Variants in AXDND1 observed in about 807,000 individuals in gnomAD.
The protein encoded by AXDND1 is axonemal dynein light chain domain containing 1.
Under a neutral mutation model 137.5 loss-of-function variants are expected in AXDND1, and 110 were observed. That is an observed-to-expected ratio of 0.80 (90% CI 0.69 to 0.94). The LOEUF (loss-of-function observed/expected upper bound fraction) is 0.94. Among genes scored for constraint, AXDND1 ranks in the 40% least tolerant of loss-of-function variants. The probability of loss-of-function intolerance (pLI) is 0.00; values close to 1 mark genes in which losing one functional copy is unlikely to be tolerated. For synonymous variants in AXDND1, 414 were observed against 399.7 expected, an observed-to-expected ratio of 1.04 and a Z score of -0.43; for missense variants, 1,191 against 1,169.8, an observed-to-expected ratio of 1.02 and a Z score of -0.26.
At chr1:179,390,534 C>A (rs1032999182) in intron 9 of AXDND1, among the ~76,000 whole-genome samples, 6 of 152,166 alleles carry the variant, frequency 3.9e-5, no homozygotes, top group Admixed American at 6.5e-5. Flanking sequence ...AAGAATCTCA[C>A]TATACGTTAA....
chr1:179,517,557 C>CG (rs1418757616), intron 21 of AXDND1, among the ~76,000 whole-genome samples: 1 of 152,208 alleles, frequency 6.6e-6, no homozygotes, highest in Non-Finnish European at 1.5e-5. Flanking sequence ...GCCGCCCTCC[C>CG]GAAGGATCCC....
intron 25 of AXDND1, chr1:179,551,289 G>T: frequency 6.2e-7 from 1 of 1,614,110 alleles, no homozygotes; most frequent in Non-Finnish European, 8.5e-7. Context: ...CAATTCAGTA[G>T]GTCAAATGGC....
chr1:179,427,936 T>A (rs1256027378), intron 12 of AXDND1, among the ~76,000 whole-genome samples: 1 of 138,326 alleles, frequency 7.2e-6, no homozygotes, highest in African/African-American at 2.7e-5. Flanking sequence ...GGAGACCCAA[T>A]GTAAGAGCAA....
rs11577579 is a variant in AXDND1, at chr1:179,444,970, A to C, written c.1564A>C (p.Ile522Leu). ...VLLDFKQWQK[I>L]LNEKKEEFTG... ...TCTCCCTCTTCCTTTCACTCTTTAG[A>C]TCCTGAATGAGAAAAAAGAAGAGTT... Residue 522 changes from isoleucine to leucine, a missense_variant and splice_region_variant, in exon 16 of 26, where the codon ATC (isoleucine) becomes CTC (leucine). Ile to Leu is a conservative substitution (Grantham distance 5). Coordinates refer to ENST00000367618, the MANE Select transcript of AXDND1 (RefSeq NM_144696.6). The C allele has an allele frequency of 0.3, 475,514 of 1,586,456 alleles. 73,811 individuals carry two copies. Among genetic ancestry groups the C allele is most frequent in the Non-Finnish European group, 0.31 (362,169 of 1,156,422 alleles).
At chr1:179,449,714 G>A (rs1660261545) in intron 16 of AXDND1, 1 of 151,734 alleles carries the variant, frequency 6.6e-6, no homozygotes, top group Non-Finnish European at 1.5e-5. Flanking sequence ...TTTCTGAGGA[G>A]TTTTATATTT....
chr1:179,501,538 C>T (rs1667998981), intron 20 of AXDND1, among the ~76,000 whole-genome samples: 2 of 152,046 alleles, frequency 1.3e-5, no homozygotes, highest in South Asian at 4.2e-4. Context: ...AGTGAAACCC[C>T]ATCTCTACTA....
At chr1:179,389,912 G>A (rs906072677) in intron 9 of AXDND1, among the ~76,000 whole-genome samples, 1 of 152,162 alleles carries the variant, frequency 6.6e-6, no homozygotes. Context: ...CTTAAAGCAA[G>A]GGCTGGATAA....
chr1:179,403,564 G>T (rs1652437405), intron 11 of AXDND1, among the ~76,000 whole-genome samples: 1 of 152,144 alleles, frequency 6.6e-6, no homozygotes, highest in Non-Finnish European at 1.5e-5. Flanking sequence ...ATGCAGTGAT[G>T]ATTACATTAT....
intron 12 of AXDND1, among the ~76,000 whole-genome samples, chr1:179,424,331 C>T (rs1656240977): frequency 6.6e-6 from 1 of 151,714 alleles, no homozygotes; most frequent in Admixed American, 6.6e-5. Context: ...TGTTGTATAC[C>T]TTGGGTGGTC....
Position 179,541,113 on chromosome 1 carries a change from C to T in AXDND1, c.3031+6151C>T, listed in dbSNP as rs118034135. On this transcript the variant is annotated intron_variant, in intron 25 of 25. Coordinates refer to ENST00000367618, the MANE Select transcript of AXDND1 (RefSeq NM_144696.6). ...CAGTGGATCTTAGCTTGCTGGGCTC[C>T]GTGGGTGGGGGACCCGCTGAGCCAG... 5.6e-3 allele frequency among the ~76,000 whole-genome samples: 860 copies of T among 152,290 alleles called. 22 individuals are homozygous for T. The highest frequency in any genetic ancestry group is 0.045 in the Admixed American group (693 of 15,300).
intron 20 of AXDND1, among the ~76,000 whole-genome samples, chr1:179,495,424 G>A (rs1667344352): frequency 6.6e-6 from 1 of 151,966 alleles, no homozygotes; most frequent in African/African-American, 2.4e-5. Flanking sequence ...TTATCCCTAA[G>A]TATTTCATAT....
intron 9 of AXDND1, among the ~76,000 whole-genome samples, chr1:179,389,414 T>A (rs1233951021): frequency 6.6e-6 from 1 of 152,210 alleles, no homozygotes; most frequent in African/African-American, 2.4e-5. Flanking sequence ...GAGCTAATAT[T>A]TCACTGACCT....
chr1:179,510,864 C>T (rs1422920986), intron 21 of AXDND1, among the ~76,000 whole-genome samples: 1 of 152,084 alleles, frequency 6.6e-6, no homozygotes, highest in Non-Finnish European at 1.5e-5. Flanking sequence ...GTATACACTG[C>T]ACCCTATTTG....
chr1:179,497,018 A>G (rs1470303845), intron 20 of AXDND1, among the ~76,000 whole-genome samples: 6 of 152,086 alleles, frequency 3.9e-5, no homozygotes, highest in African/African-American at 7.2e-5. Context: ...CTCTTCTGCT[A>G]TTGATTTGTA....
intron 17 of AXDND1, among the ~76,000 whole-genome samples, chr1:179,471,171 A>C (rs982853390): frequency 1.3e-4 from 20 of 152,244 alleles, no homozygotes; most frequent in African/African-American, 4.8e-4. Flanking sequence ...TATTCATAAG[A>C]GACATTGGTC....
chr1:179,474,625 G>A (rs1244537642), intron 17 of AXDND1, among the ~76,000 whole-genome samples: 4 of 152,196 alleles, frequency 2.6e-5, no homozygotes, highest in Non-Finnish European at 5.9e-5. Flanking sequence ...GAACTAGAGA[G>A]AGATGATTTA....
At chr1:179,479,058 C>T (rs1664990530) in intron 17 of AXDND1, among the ~76,000 whole-genome samples, 1 of 152,030 alleles carries the variant, frequency 6.6e-6, no homozygotes, top group Non-Finnish European at 1.5e-5. Flanking sequence ...CAAGATCAAA[C>T]CACTGCACTG....
chr1:179,425,206 C>T (rs1031269708), intron 12 of AXDND1, among the ~76,000 whole-genome samples: 2 of 152,218 alleles, frequency 1.3e-5, no homozygotes, highest in Non-Finnish European at 2.9e-5. Flanking sequence ...CTTAAGGTTG[C>T]TGCCTCCTTT....
intron 11 of AXDND1, among the ~76,000 whole-genome samples, chr1:179,398,620 T>A (rs1267775572): frequency 6.6e-6 from 1 of 151,838 alleles, no homozygotes; most frequent in East Asian, 1.9e-4. Context: ...GGCAACTGTG[T>A]GCACAGTTGT....
Sources: allele counts gnomAD v4.1 joint callset (sites outside exome capture counted in the v4.1 genomes callset), GRCh38; gene constraint gnomAD v4.1.1; transcripts MANE v1.5; gene names NCBI Gene and HGNC (gene_info 2026-07-23, HGNC 2026-07-21).